The following MAP4 variants were observed in gnomAD, a reference collection of about 807,000 sequenced individuals.
The protein encoded by MAP4 is microtubule associated protein 4.
A neutral mutation model predicts 170.2 loss-of-function variants in MAP4; 76 were observed. The observed-to-expected ratio is 0.45, with a 90% CI of 0.37 to 0.54. The LOEUF (loss-of-function observed/expected upper bound fraction) is 0.54, where lower values mean the gene tolerates loss of function less well. Ranked by LOEUF, MAP4 falls within the 20% of genes least tolerant of loss-of-function variation. The pLI is 0.00. For missense variants in MAP4, 2,506 were observed against 2,748.0 expected, an observed-to-expected ratio of 0.91 and a Z score of 1.97; for synonymous variants, 909 against 994.5, an observed-to-expected ratio of 0.91 and a Z score of 1.62.
At chr3:47,935,525 A>G (rs940159445) in intron 3 of MAP4, among the ~76,000 whole-genome samples, 2 of 152,092 alleles carry the variant, frequency 1.3e-5, no homozygotes, top group Non-Finnish European at 2.9e-5. Flanking sequence ...CCATTCCTCT[A>G]TTTGGTCCTG....
chr3:48,008,850 G>A (rs947538376), intron 1 of MAP4, among the ~76,000 whole-genome samples: 2 of 152,120 alleles, frequency 1.3e-5, no homozygotes, highest in African/African-American at 2.4e-5. Context: ...ACCTGGCTAC[G>A]GCCACTGCTG....
intron 1 of MAP4, among the ~76,000 whole-genome samples, chr3:48,057,094 C>G (rs1345113247): frequency 6.6e-6 from 1 of 151,766 alleles, no homozygotes; most frequent in Non-Finnish European, 1.5e-5. Flanking sequence ...CGGCCACCAC[C>G]CCGTCTGGGA....
chr3:47,868,893 C>T (rs1187623212), intron 16 of MAP4, among the ~76,000 whole-genome samples: 1 of 152,188 alleles, frequency 6.6e-6, no homozygotes, highest in Non-Finnish European at 1.5e-5. Context: ...ACTGTATTTG[C>T]ATCCATACCA....
At chr3:47,863,526 G>T (rs1288318861) in intron 17 of MAP4, among the ~76,000 whole-genome samples, 3 of 151,948 alleles carry the variant, frequency 2.0e-5, no homozygotes, top group Non-Finnish European at 2.9e-5. Flanking sequence ...GCTCTCTGTG[G>T]TCCTAGGAGC....
chr3:47,973,986 C>CA, intron 3 of MAP4: 1 of 985,442 alleles, frequency 1.0e-6, no homozygotes, highest in Non-Finnish European at 1.2e-6. Context: ...AAATTTTTGT[C>CA]AGAGAATCCA....
chr3:48,014,961 T>C (rs2100107055), intron 1 of MAP4, among the ~76,000 whole-genome samples: 1 of 152,098 alleles, frequency 6.6e-6, no homozygotes, highest in Non-Finnish European at 1.5e-5. Flanking sequence ...ACATGGGAAC[T>C]TTCAGGGAAT....
intron 9 of MAP4, among the ~76,000 whole-genome samples, chr3:47,904,965 C>T (rs765402903): frequency 4.6e-5 from 7 of 152,052 alleles, no homozygotes; most frequent in Non-Finnish European, 8.8e-5. Context: ...CCACTGTGCC[C>T]AGCCAACACC....
intron 3 of MAP4, among the ~76,000 whole-genome samples, chr3:47,943,185 ACTCC>A (rs1258749337): frequency 1.3e-4 from 20 of 152,266 alleles, no homozygotes; most frequent in African/African-American, 4.6e-4. Context: ...GAGAAAGCCT[ACTCC>A]TTTCTCAGAT....
intron 17 of MAP4, among the ~76,000 whole-genome samples, chr3:47,866,489 T>A (rs546073987): frequency 1.3e-5 from 2 of 150,608 alleles, no homozygotes; most frequent in East Asian, 4.0e-4. Flanking sequence ...GGCGCAGTGT[T>A]TCATGCCTGT....
At chr3:47,991,378 C>A in intron 2 of MAP4, among the ~76,000 whole-genome samples, 1 of 152,098 alleles carries the variant, frequency 6.6e-6, no homozygotes, top group Non-Finnish European at 1.5e-5. Flanking sequence ...AAGAACATAT[C>A]GAGAGCACTA....
chr3:47,903,487 C>T (rs561035620), intron 9 of MAP4, among the ~76,000 whole-genome samples: 1 of 150,522 alleles, frequency 6.6e-6, no homozygotes, highest in African/African-American at 2.5e-5. Flanking sequence ...GAGCCGAGAT[C>T]GCGCCACTGC....
At chr3:47,871,836 T>C (rs2092914146) in intron 13 of MAP4, 81 bp downstream of exon 13, 8 of 1,352,694 alleles carry the variant, frequency 5.9e-6, no homozygotes, top group Non-Finnish European at 8.2e-6. Context: ...TTTGTGATAC[T>C]AGCTAGAGCT....
At chr3:47,878,183 C>T (rs2095890044) in intron 10 of MAP4, among the ~76,000 whole-genome samples, 1 of 152,170 alleles carries the variant, frequency 6.6e-6, no homozygotes, top group Admixed American at 6.5e-5. Flanking sequence ...AATGTATAAC[C>T]TTGCTGTGGG....
chr3:47,891,455 C>T, intron 10 of MAP4: 3 of 1,529,596 alleles, frequency 2.0e-6, no homozygotes, highest in South Asian at 2.4e-5. Context: ...TCCCAGTTTC[C>T]CAGGTGTAGG....
At chr3:47,924,017 A>T (rs971289455) in intron 4 of MAP4, among the ~76,000 whole-genome samples, 2 of 152,190 alleles carry the variant, frequency 1.3e-5, no homozygotes, top group African/African-American at 4.8e-5. Flanking sequence ...GATGGTTTGC[A>T]CTTTAAGATG....
intron 1 of MAP4, among the ~76,000 whole-genome samples, chr3:48,056,900 T>C (rs2100132242): frequency 8.2e-6 from 1 of 121,610 alleles, no homozygotes; most frequent in Admixed American, 8.1e-5. Flanking sequence ...GAGGGGCGCC[T>C]CTGCCCGGCC....
At chr3:47,930,927 TAAAAA>T (rs766820917) in intron 3 of MAP4, among the ~76,000 whole-genome samples, 1 of 100,032 alleles carries the variant, frequency 1.0e-5, no homozygotes, top group Admixed American at 1.1e-4. Flanking sequence ...AGACTCTGTC[TAAAAA>T]AAAAAAAAAA....
At chr3:47,942,927 T>G (rs544649975) in intron 3 of MAP4, among the ~76,000 whole-genome samples, 1 of 152,218 alleles carries the variant, frequency 6.6e-6, no homozygotes, top group South Asian at 2.1e-4. Flanking sequence ...TTGGGCAATG[T>G]AGCAAGACCC....
At chr3:48,048,506 CTTTTTTTTTTTTTTTTTTT>C (rs67709674) in intron 1 of MAP4, among the ~76,000 whole-genome samples, 1 of 66,964 alleles carries the variant, frequency 1.5e-5, no homozygotes, top group Non-Finnish European at 2.5e-5. Context: ...TCTCAATTAT[CTTTTTTTTTTTTTTTTTTT>C]TTTTTTTTTG....
Sources: allele counts gnomAD v4.1 joint callset (sites outside exome capture counted in the v4.1 genomes callset), GRCh38; gene constraint gnomAD v4.1.1; transcripts MANE v1.5; gene names NCBI Gene and HGNC (gene_info 2026-07-23, HGNC 2026-07-21).